ARSG: variants seen among roughly 807,000 people sequenced by gnomAD.
The protein encoded by ARSG is ASG.
A neutral mutation model predicts 50.5 loss-of-function variants in ARSG; 37 were observed. That is an observed-to-expected ratio of 0.73 (90% confidence interval 0.56 to 0.96). ARSG has a LOEUF of 0.96. Among genes scored for constraint, ARSG ranks in the 50% least tolerant of loss-of-function variants. The pLI is 0.00. For synonymous variants in ARSG, 225 were observed against 254.6 expected, an observed-to-expected ratio of 0.88 and a Z score of 1.11; for missense variants, 629 against 675.3, an observed-to-expected ratio of 0.93 and a Z score of 0.76.
intron 6 of ARSG, among the ~76,000 whole-genome samples, chr17:68,363,708 C>T (rs1000858330): frequency 6.6e-6 from 1 of 152,038 alleles, no homozygotes; most frequent in East Asian, 1.9e-4. Flanking sequence ...CTTAGGTGAT[C>T]CAACTGCCTC....
At chr17:68,346,877 G>C (rs1347335620) in intron 3 of ARSG, 4 of 1,435,774 alleles carry the variant, frequency 2.8e-6, no homozygotes, top group Non-Finnish European at 3.7e-6. Context: ...GGCTCCTGGT[G>C]ATGGGCTGTC....
intron 8 of ARSG, among the ~76,000 whole-genome samples, chr17:68,376,276 C>CGTTTTTTTTTTTTTTTTTT (rs149045241): frequency 1.5e-5 from 2 of 131,944 alleles, no homozygotes; most frequent in Non-Finnish European, 1.6e-5. Flanking sequence ...GCGCCCCCTG[C>CGTTTTTTTTTTTTTTTTTT]ATTTTTTTTT....
At chr17:68,424,960 A>T (rs898016106), downstream of ARSG, among the ~76,000 whole-genome samples, 1 of 152,246 alleles carries the variant, frequency 6.6e-6, no homozygotes, top group Non-Finnish European at 1.5e-5. Flanking sequence ...GAAGCTCACA[A>T]GAGCGGTCTA....
the ARSG span, among the ~76,000 whole-genome samples, chr17:68,437,010 A>ATGTGTGTGTGTGTGTG: frequency 0.011 from 890 of 77,854 alleles, 17 homozygotes; most frequent in African/African-American, 0.05. Flanking sequence ...AAAAAAATAT[A>ATGTGTGTGTGTGTGTG]TATATATGTG....
At chr17:68,310,773 A>G (rs1352154489) in intron 2 of ARSG, among the ~76,000 whole-genome samples, 6 of 152,178 alleles carry the variant, frequency 3.9e-5, no homozygotes, top group African/African-American at 7.2e-5. Flanking sequence ...TAGTTTCTGC[A>G]TCTGGTCTCA....
chr17:68,312,505 T>C (rs1555767113), intron 2 of ARSG, among the ~76,000 whole-genome samples: 1 of 152,088 alleles, frequency 6.6e-6, no homozygotes, highest in African/African-American at 2.4e-5. Flanking sequence ...TTGCGAGGCC[T>C]ACACGTTTTT....
chr17:68,330,327 T>G (rs1040200032), intron 2 of ARSG, among the ~76,000 whole-genome samples: 1 of 152,156 alleles, frequency 6.6e-6, no homozygotes, highest in East Asian at 1.9e-4. Context: ...CTGCCACTTA[T>G]AGCTGGGGAG....
the ARSG span, among the ~76,000 whole-genome samples, chr17:68,433,143 A>G: frequency 6.6e-6 from 1 of 152,274 alleles, no homozygotes; most frequent in Admixed American, 6.5e-5. Flanking sequence ...AACACTTTAG[A>G]TCTGCAGACT....
chr17:68,436,846 T>C, the ARSG span, among the ~76,000 whole-genome samples: 1 of 151,628 alleles, frequency 6.6e-6, no homozygotes, highest in Non-Finnish European at 1.5e-5. Context: ...AAAATACAAA[T>C]AGCTGGGCAT....
rs562896142 is a variant in ARSG, at chr17:68,326,678, AC to A, written c.219-16925del. 1.2e-3 allele frequency among the ~76,000 whole-genome samples: 189 copies of A among 152,278 alleles called. 1 individual carries two copies. Among genetic ancestry groups the A allele is most frequent in the African/African-American group, 4.5e-3 (185 of 41,562 alleles). On this transcript the variant is annotated intron_variant, in intron 2 of 11. Coordinates refer to ENST00000621439, the MANE Select transcript of ARSG (RefSeq NM_001267727.2). ...GAAACTCCGTCTAAAAAACAAACAAACAAAAAAAGCAGAAAGTAAAAGCAAC... is the reference window on the plus strand; with the variant it reads ...GAAACTCCGTCTAAAAAACAAACAAAAAAAAAAGCAGAAAGTAAAAGCAAC...
rs1351917843 is a variant in ARSG, at chr17:68,351,646, C to G, written c.526C>G (p.Pro176Ala). The change falls in exon 5 of 12, where the codon CCT (proline) becomes GCT (alanine). Residue 176 changes from proline (P) to alanine (A), a missense_variant. By Grantham distance (27) the Pro-to-Ala change is conservative. Coordinates refer to ENST00000621439, the MANE Select transcript of ARSG (RefSeq NM_001267727.2). ...TACTGATACTCCAGGCTACAACCACCCTCCTTGTCCAGCGTGTCCACAGGG... is the reference window on the plus strand; with the variant it reads ...TACTGATACTCCAGGCTACAACCACGCTCCTTGTCCAGCGTGTCCACAGGG... ...GCTDTPGYNH[P>A]PCPACPQGDG... 6.2e-7 allele frequency: 1 copy of G among 1,613,890 alleles called. No individual in the cohort carries two copies. The highest frequency in any genetic ancestry group is 2.2e-5 in the East Asian group (1 of 44,860).
At chr17:68,397,701 T>C (rs572750525) in intron 10 of ARSG, among the ~76,000 whole-genome samples, 1 of 152,322 alleles carries the variant, frequency 6.6e-6, no homozygotes, top group East Asian at 1.9e-4. Flanking sequence ...TCTATACATG[T>C]GTGTTATACG....
At chr17:68,334,036 A>G (rs2077904102) in intron 2 of ARSG, among the ~76,000 whole-genome samples, 1 of 152,148 alleles carries the variant, frequency 6.6e-6, no homozygotes, top group Non-Finnish European at 1.5e-5. Flanking sequence ...TTCAGGAAGG[A>G]AGAGCTGGCC....
rs574586524 is a variant in ARSG at position 68,307,180 on chromosome 17, T to C, written c.-314T>C. ...AGTTGTTGACATTGATGTCTAATTATTGAACACGACCAGTCATTTTACTGA... is the reference window on the plus strand; with the variant it reads ...AGTTGTTGACATTGATGTCTAATTACTGAACACGACCAGTCATTTTACTGA... On this transcript the variant is annotated 5_prime_UTR_variant, in exon 2 of 12. Coordinates refer to ENST00000621439, the MANE Select transcript of ARSG (RefSeq NM_001267727.2). 6.4e-6 allele frequency: 2 copies of C among 312,134 alleles called. No individual in the cohort carries two copies. Among genetic ancestry groups the C allele is most frequent in the South Asian group, 1.1e-4 (2 of 18,490 alleles). The allele number at this position is 312,134 out of a possible 1,614,324, so 19.3% of individuals were successfully genotyped here.
chr17:68,391,678 C>T (rs975810931), intron 9 of ARSG, among the ~76,000 whole-genome samples: 3 of 152,202 alleles, frequency 2.0e-5, no homozygotes, highest in Admixed American at 6.5e-5. Context: ...CAAACCACCG[C>T]GGCCTTTTCA....
chr17:68,403,873 G>A (rs1041054088), intron 11 of ARSG, among the ~76,000 whole-genome samples: 7 of 140,660 alleles, frequency 5.0e-5, no homozygotes, highest in Admixed American at 3.6e-4. Context: ...CCCACCCCAC[G>A]ACAGGCCCCG....
chr17:68,287,670 AC>A (rs1361167384), upstream of ARSG, among the ~76,000 whole-genome samples: 2 of 152,058 alleles, frequency 1.3e-5, no homozygotes, highest in African/African-American at 2.4e-5. Flanking sequence ...GACACCCTGA[AC>A]CCCGTCCTAC....
Position 68,325,936 on chromosome 17 carries a change from C to T in ARSG, c.219-17668C>T, listed in dbSNP as rs185405366. On this transcript the variant is annotated intron_variant, in intron 2 of 11. Transcript: ENST00000621439. ...TAGTTTGATTAGCATGCAGTGGAGT[C>T]CCACACTGCATTAGTATCCAGGTGG... Among the ~76,000 whole-genome samples, 134 of 152,270 alleles carry T rather than the reference C, an allele frequency of 8.8e-4. 1 individual carries two copies. The highest frequency in any genetic ancestry group is 3.1e-3 in the African/African-American group (130 of 41,554).
At chr17:68,332,464 G>A (rs2077819051) in intron 2 of ARSG, among the ~76,000 whole-genome samples, 1 of 152,080 alleles carries the variant, frequency 6.6e-6, no homozygotes, top group Admixed American at 6.6e-5. Flanking sequence ...AAAGATGACA[G>A]GATTAAGAGA....
Sources: gnomAD v4.1 joint callset for allele counts (sites outside exome capture counted in the v4.1 genomes callset) on GRCh38, gnomAD v4.1.1 for gene constraint, MANE v1.5 for transcripts, NCBI Gene and HGNC (gene_info 2026-07-23, HGNC 2026-07-21) for gene names.